Variants in KAZN observed in about 807,000 individuals in gnomAD.
The protein encoded by KAZN is kazrin, periplakin interacting protein, also known as kazrin.
Under a neutral mutation model 87.4 loss-of-function variants are expected in KAZN, and 40 were observed. The ratio of observed to expected loss-of-function variants is 0.46; its 90% confidence interval spans 0.36 to 0.60. The LOEUF is 0.60. KAZN is among the 20% of genes least tolerant of loss of function. The pLI is 0.00. For synonymous variants in KAZN, 466 were observed against 458.3 expected (o/e 1.02, Z -0.22); for missense variants, 898 against 1,073.9 (o/e 0.84, Z 2.29).
chr1:14,109,817 T>TCTCGC (rs1186061578), intron 1 of KAZN, among the ~76,000 whole-genome samples: 148 of 149,866 alleles, frequency 9.9e-4, no homozygotes, highest in East Asian at 2.8e-3. Flanking sequence ...TCAAAACGAT[T>TCTCGC]TCAGCGTCAA....
intron 1 of KAZN, among the ~76,000 whole-genome samples, chr1:14,671,940 C>G (rs368189731): frequency 4.6e-5 from 7 of 152,340 alleles, no homozygotes; most frequent in South Asian, 4.1e-4. Context: ...CTCTGAGGCA[C>G]CTTTGTGCTA....
At chr1:14,888,142 G>T (rs750097051) in intron 1 of KAZN, among the ~76,000 whole-genome samples, 1 of 152,154 alleles carries the variant, frequency 6.6e-6, no homozygotes, top group Non-Finnish European at 1.5e-5. Context: ...CCTCCAGCCC[G>T]GGCAGCTCTA....
At chr1:14,438,095 CAA>C (rs35260375) in intron 2 of KAZN, among the ~76,000 whole-genome samples, 546 of 133,944 alleles carry the variant, frequency 4.1e-3, no homozygotes, top group Middle Eastern at 7.7e-3. Context: ...TCCCTAAAGC[CAA>C]AAAAAAAAAA....
chr1:14,091,596 A>G (rs1643995997), intron 1 of KAZN, among the ~76,000 whole-genome samples: 1 of 152,230 alleles, frequency 6.6e-6, no homozygotes, highest in Admixed American at 6.5e-5. Flanking sequence ...AACATTTAAA[A>G]AATGTCAAAA....
At position 14,049,342 on chromosome 1, in the gene KAZN, G is replaced by A. The variant is rs544477647; in HGVS notation, c.92-131093G>A. 5.9e-5 allele frequency among the ~76,000 whole-genome samples: 9 copies of A among 152,304 alleles called. No homozygotes were observed. In the East Asian group the frequency reaches 1.4e-3, roughly 23 times the overall value. ...GGGGTGGGGGGAGCGGGGAGGGATA[G>A]CATTAGGAGGTATACCTAATGTTAA... On this transcript the variant is annotated intron_variant, in intron 1 of 16. Transcript: ENST00000636203.
At chr1:14,729,423 T>C (rs1385273754) in intron 1 of KAZN, among the ~76,000 whole-genome samples, 1 of 152,198 alleles carries the variant, frequency 6.6e-6, no homozygotes, top group East Asian at 1.9e-4. Context: ...CCCACACTAA[T>C]TGGTTCCATT....
intron 1 of KAZN, among the ~76,000 whole-genome samples, chr1:14,859,160 T>C (rs1016338349): frequency 2.6e-5 from 4 of 151,402 alleles, no homozygotes; most frequent in African/African-American, 9.7e-5. Flanking sequence ...TGAGCCGAGA[T>C]TGCGCCACTG....
intron 1 of KAZN, among the ~76,000 whole-genome samples, chr1:13,982,356 T>C (rs1638767688): frequency 6.6e-6 from 1 of 152,192 alleles, no homozygotes; most frequent in Admixed American, 6.5e-5. Flanking sequence ...TTCCTTCTGA[T>C]GTTCGGATGT....
At chr1:15,013,480 A>G (rs6429704) in intron 2 of KAZN, among the ~76,000 whole-genome samples, 129,798 of 152,104 alleles carry the variant, frequency 0.85, 55,438 homozygotes, top group South Asian at 0.87. Flanking sequence ...CGGGCCAGGC[A>G]CGGTGGCTCA....
chr1:14,108,016 C>G (rs1434759072), intron 1 of KAZN, among the ~76,000 whole-genome samples: 1 of 152,132 alleles, frequency 6.6e-6, no homozygotes, highest in Admixed American at 6.5e-5. Flanking sequence ...ATTTCAGAAT[C>G]TATCTATCCT....
At chr1:13,952,707 G>A (rs1270044731) in intron 1 of KAZN, among the ~76,000 whole-genome samples, 2 of 152,112 alleles carry the variant, frequency 1.3e-5, no homozygotes, top group Admixed American at 6.5e-5. Context: ...GCACACAGAC[G>A]CATGACATTG....
chr1:14,724,913 G>T (rs1485783656), intron 1 of KAZN, among the ~76,000 whole-genome samples: 1 of 152,156 alleles, frequency 6.6e-6, no homozygotes, highest in Non-Finnish European at 1.5e-5. Flanking sequence ...GTGCTACTGC[G>T]TGCACCTCCC....
chr1:14,440,560 G>C (rs943664376), intron 2 of KAZN, among the ~76,000 whole-genome samples: 3 of 152,182 alleles, frequency 2.0e-5, no homozygotes, highest in African/African-American at 7.2e-5. Context: ...GACACTTTGT[G>C]GTTGCTCAAA....
chr1:14,985,653 G>A (rs950586834), intron 2 of KAZN, among the ~76,000 whole-genome samples: 12 of 152,286 alleles, frequency 7.9e-5, no homozygotes, highest in Middle Eastern at 3.4e-3. Flanking sequence ...CTGTGGGTTC[G>A]TTGGATTGAG....
At chr1:14,289,916 T>C (rs1171023321) in intron 2 of KAZN, among the ~76,000 whole-genome samples, 1 of 152,182 alleles carries the variant, frequency 6.6e-6, no homozygotes, top group African/African-American at 2.4e-5. Context: ...TAAAGCATTT[T>C]ATTTCTCCTT....
chr1:14,105,614 C>T (rs569700639), intron 1 of KAZN, among the ~76,000 whole-genome samples: 2 of 152,336 alleles, frequency 1.3e-5, no homozygotes, highest in African/African-American at 4.8e-5. Flanking sequence ...AAATGAAACA[C>T]ACCCAAGGAG....
At chr1:13,935,602 T>A (rs1417700815) in intron 1 of KAZN, among the ~76,000 whole-genome samples, 1 of 152,008 alleles carries the variant, frequency 6.6e-6, no homozygotes, top group Non-Finnish European at 1.5e-5. Flanking sequence ...CAGCTCACGG[T>A]TGGGAGGTTA....
chr1:14,694,264 CA>C (rs1641480485), intron 1 of KAZN, among the ~76,000 whole-genome samples: 1 of 152,240 alleles, frequency 6.6e-6, no homozygotes. Context: ...TCAGCTCACC[CA>C]TCTGTCACTG....
chr1:14,971,364 C>T (rs1301924779), intron 2 of KAZN, among the ~76,000 whole-genome samples: 1 of 152,108 alleles, frequency 6.6e-6, no homozygotes, highest in African/African-American at 2.4e-5. Context: ...CGCCGCGGCA[C>T]GCCAGCCTGG....
Sources: gnomAD v4.1 joint callset for allele counts (sites outside exome capture counted in the v4.1 genomes callset) on GRCh38, gnomAD v4.1.1 for gene constraint, MANE v1.5 for transcripts, NCBI Gene and HGNC (gene_info 2026-07-23, HGNC 2026-07-21) for gene names.